The following ABHD12 variants were observed in gnomAD, a reference collection of about 807,000 sequenced individuals.
The protein encoded by ABHD12 is lysophosphatidylserine lipase ABHD12.
A neutral mutation model predicts 58.3 loss-of-function variants in ABHD12; 43 were observed. The ratio of observed to expected loss-of-function variants is 0.74; its 90% confidence interval spans 0.58 to 0.95. The LOEUF is 0.95. Among genes scored for constraint, ABHD12 ranks in the 40% least tolerant of loss-of-function variants. The probability of loss-of-function intolerance (pLI) is 0.00; values close to 1 mark genes in which losing one functional copy is unlikely to be tolerated. For synonymous variants in ABHD12, 219 were observed against 211.2 expected (o/e 1.04, Z -0.32); for missense variants, 539 against 537.2 (o/e 1.00, Z -0.03).
In ABHD12 at chr20:25,345,427, T is replaced by C. The variant is rs546261354; in HGVS notation, c.192-6076A>G. 4.8e-4 allele frequency among the ~76,000 whole-genome samples: 73 copies of C among 152,222 alleles called. 1 individual carries two copies. Among genetic ancestry groups the C allele is most frequent in the African/African-American group, 1.7e-3 (69 of 41,530 alleles). Reference sequence around the variant, plus strand: ...TACAAAACCACCAAGGTATGATCCATGAAAGAAATATTAACAAGCTAGGTT... The same window carrying C: ...TACAAAACCACCAAGGTATGATCCACGAAAGAAATATTAACAAGCTAGGTT... On this transcript the variant is annotated intron_variant, in intron 1 of 12. Transcript: ENST00000339157.
chr20:25,303,912 C>T (rs1009395425), intron 10 of ABHD12, among the ~76,000 whole-genome samples: 2 of 152,092 alleles, frequency 1.3e-5, no homozygotes, highest in South Asian at 2.1e-4. Flanking sequence ...TATTTTTAAG[C>T]GGAATAATTC....
At chr20:25,383,984 G>GA (rs1244639499) in intron 1 of ABHD12, among the ~76,000 whole-genome samples, 5 of 119,276 alleles carry the variant, frequency 4.2e-5, no homozygotes, top group African/African-American at 1.7e-4. Context: ...AGAAAAAAAA[G>GA]AAAAAAAATT....
chr20:25,327,255 T>C (rs1474518305), intron 2 of ABHD12, among the ~76,000 whole-genome samples: 4 of 152,050 alleles, frequency 2.6e-5, no homozygotes, highest in African/African-American at 4.8e-5. Context: ...GATCACGAGG[T>C]CAGGAGTTTG....
chr20:25,343,114 GGTAT>G (rs980471514), intron 1 of ABHD12, among the ~76,000 whole-genome samples: 2 of 152,100 alleles, frequency 1.3e-5, no homozygotes, highest in African/African-American at 4.8e-5. Flanking sequence ...TTTAAATTAA[GGTAT>G]GTACACTGTT....
chr20:25,350,437 T>G (rs116027071), intron 1 of ABHD12, among the ~76,000 whole-genome samples: 3 of 152,134 alleles, frequency 2.0e-5, no homozygotes, highest in African/African-American at 7.2e-5. Flanking sequence ...CTGTTTCTCA[T>G]GGTAGTAAGT....
chr20:25,315,669 A>G (rs2088947879), intron 5 of ABHD12, among the ~76,000 whole-genome samples: 1 of 152,140 alleles, frequency 6.6e-6, no homozygotes, highest in Admixed American at 6.5e-5. Context: ...ACCAGAGCCA[A>G]CCTGCTCCAG....
rs1333068408 is a variant in ABHD12, at chr20:25,390,806, C to T, written c.-103G>A. 7 of 762,252 alleles carry T rather than the reference C, an allele frequency of 9.2e-6. No homozygotes were observed. The highest frequency in any genetic ancestry group is 4.8e-5 in the Admixed American group (1 of 20,718). 47.2% of individuals were successfully genotyped at this position (762,252 alleles called of 1,614,324 possible). A position where few individuals can be genotyped will look rare whatever the true frequency, so the allele number is the denominator to read the frequency against. On this transcript the variant is annotated 5_prime_UTR_variant, in exon 1 of 13. Coordinates refer to ENST00000339157, the MANE Select transcript of ABHD12 (RefSeq NM_001042472.3). ...CCAGAGCCCGGAGCCCGGAACCCGC[C>T]GCTCCTCACATCCCAGCCCAGGCCG...
chr20:25,312,826 C>A (rs2088880114), intron 6 of ABHD12, among the ~76,000 whole-genome samples: 1 of 152,034 alleles, frequency 6.6e-6, no homozygotes, highest in African/African-American at 2.4e-5. Context: ...CTCTGCCCGG[C>A]CGCGACCCCG....
At chr20:25,338,633 G>A (rs949723281) in intron 2 of ABHD12, among the ~76,000 whole-genome samples, 2 of 152,088 alleles carry the variant, frequency 1.3e-5, no homozygotes, top group Non-Finnish European at 2.9e-5. Context: ...CACTCAAGGA[G>A]ACTACAATAC....
intron 3 of ABHD12, among the ~76,000 whole-genome samples, chr20:25,322,144 C>G (rs1476329785): frequency 6.6e-6 from 1 of 151,912 alleles, no homozygotes; most frequent in Non-Finnish European, 1.5e-5. Context: ...AATTTTAATT[C>G]AGCTGTTCAG....
At chr20:25,388,787 CTTTTT>C (rs780031801) in intron 1 of ABHD12, among the ~76,000 whole-genome samples, 3 of 122,080 alleles carry the variant, frequency 2.5e-5, no homozygotes, top group Non-Finnish European at 3.3e-5. Context: ...TTGATTTTTT[CTTTTT>C]TTTTTTTTTT....
intron 1 of ABHD12, among the ~76,000 whole-genome samples, chr20:25,384,497 C>T (rs184899677): frequency 6.6e-6 from 1 of 151,552 alleles, no homozygotes; most frequent in East Asian, 1.9e-4. Flanking sequence ...GTAATCCCAG[C>T]ACTTTGGGAG....
chr20:25,332,098 A>G (rs1295672467), intron 2 of ABHD12, among the ~76,000 whole-genome samples: 68 of 152,182 alleles, frequency 4.5e-4, no homozygotes, highest in African/African-American at 1.5e-3. Flanking sequence ...TCAAAATAAA[A>G]GGATGGAGGA....
At chr20:25,313,245 T>C (rs2088895995) in intron 6 of ABHD12, among the ~76,000 whole-genome samples, 2 of 152,248 alleles carry the variant, frequency 1.3e-5, no homozygotes, top group Non-Finnish European at 2.9e-5. Context: ...CTAAGAAAAA[T>C]TCTTCTGCCT....
downstream of ABHD12, chr20:25,296,849 T>G: frequency 3.1e-6 from 1 of 321,392 alleles, no homozygotes; most frequent in Non-Finnish European, 5.8e-6. Context: ...TGCACACATC[T>G]TGCTATGTAT....
In ABHD12 at chr20:25,308,014, A is replaced by G. The variant is rs762636997; in HGVS notation, c.819T>C (p.Ser273=). The G allele has an allele frequency of 6.2e-7, 1 of 1,609,618 alleles. No individual in the cohort carries two copies. Among genetic ancestry groups the G allele is most frequent in the Non-Finnish European group, 8.5e-7 (1 of 1,175,832 alleles). Residue 273 remains serine, a synonymous_variant, in exon 9 of 13, where the codon TCT becomes TCC. Coordinates refer to ENST00000339157, the MANE Select transcript of ABHD12 (RefSeq NM_001042472.3). ...CTTCTTCGCGGATATTAGTGAATGG[A>G]GATTCCAATATAAGGGCATCTGGAG... ...ETPPDALILE[S]PFTNIREEAK... is the part of the protein sequence containing the mutation.
intron 1 of ABHD12, among the ~76,000 whole-genome samples, chr20:25,359,100 TAA>T (rs367930738): frequency 1.5e-3 from 198 of 128,608 alleles, no homozygotes; most frequent in African/African-American, 4.3e-3. Context: ...GCCTCCTTTG[TAA>T]AAAAAAAAAA....
At chr20:25,334,639 GA>G (rs1294504669) in intron 2 of ABHD12, among the ~76,000 whole-genome samples, 1 of 151,866 alleles carries the variant, frequency 6.6e-6, no homozygotes, top group Non-Finnish European at 1.5e-5. Context: ...AGAGCCCTCA[GA>G]AATAACACCG....
At chr20:25,390,000 G>C (rs932287459) in intron 1 of ABHD12, 1 of 152,338 alleles carries the variant, frequency 6.6e-6, no homozygotes, top group African/African-American at 2.4e-5. Context: ...GCGCCCGCCC[G>C]GGCGCTCGGT....
Sources: gnomAD v4.1 joint callset for allele counts (sites outside exome capture counted in the v4.1 genomes callset) on GRCh38, gnomAD v4.1.1 for gene constraint, MANE v1.5 for transcripts, NCBI Gene and HGNC (gene_info 2026-07-23, HGNC 2026-07-21) for gene names.